CNNM2: variants seen among roughly 807,000 people sequenced by gnomAD.
CNNM2 encodes cyclin and CBS domain divalent metal cation transport mediator 2, also known as metal transporter CNNM2.
CNNM2 carries 12 observed loss-of-function variants against 66.9 expected under a neutral mutation model. That is an observed-to-expected ratio of 0.18 (90% confidence interval 0.11 to 0.29). CNNM2 has a LOEUF of 0.29. Among genes scored for constraint, CNNM2 ranks in the 10% least tolerant of loss-of-function variants. CNNM2 has a pLI of 1.00. For missense variants in CNNM2, 705 were observed against 1,167.7 expected (o/e 0.60, Z 5.77); for synonymous variants, 557 against 501.8 (o/e 1.11, Z -1.47).
chr10:102,929,349 A>G (rs2134164471), intron 1 of CNNM2, among the ~76,000 whole-genome samples: 1 of 152,250 alleles, frequency 6.6e-6, no homozygotes, highest in South Asian at 2.1e-4. Flanking sequence ...AAGCTGAGGC[A>G]GAAGGATTGC....
At chr10:103,037,730 G>A (rs1050591690) in intron 1 of CNNM2, among the ~76,000 whole-genome samples, 1 of 152,188 alleles carries the variant, frequency 6.6e-6, no homozygotes, top group Non-Finnish European at 1.5e-5. Context: ...TCAGAAAGTT[G>A]TATACGTTGA....
At chr10:102,952,874 G>T (rs1846892785) in intron 1 of CNNM2, among the ~76,000 whole-genome samples, 1 of 152,176 alleles carries the variant, frequency 6.6e-6, no homozygotes, top group Non-Finnish European at 1.5e-5. Flanking sequence ...ATGGTTCTGG[G>T]CTGGAAACAT....
At chr10:103,001,791 G>A (rs2064127147) in intron 1 of CNNM2, among the ~76,000 whole-genome samples, 1 of 151,994 alleles carries the variant, frequency 6.6e-6, no homozygotes, top group Non-Finnish European at 1.5e-5. Flanking sequence ...ATCATTTGAG[G>A]TCAGGAGTTC....
intron 1 of CNNM2, among the ~76,000 whole-genome samples, chr10:102,980,177 A>T (rs1392952619): frequency 6.6e-6 from 1 of 152,100 alleles, no homozygotes; most frequent in Non-Finnish European, 1.5e-5. Flanking sequence ...TCCTGACCTC[A>T]AGTGATCTGC....
At chr10:102,983,858 C>T (rs1019852677) in intron 1 of CNNM2, among the ~76,000 whole-genome samples, 2 of 151,972 alleles carry the variant, frequency 1.3e-5, no homozygotes, top group African/African-American at 4.8e-5. Context: ...CTCCACCTCC[C>T]AGGTTTGAGC....
intron 1 of CNNM2, among the ~76,000 whole-genome samples, chr10:102,992,539 G>A (rs556354684): frequency 8.7e-4 from 133 of 152,154 alleles, no homozygotes; most frequent in African/African-American, 3.1e-3. Flanking sequence ...CTCCCAAAGT[G>A]CTGGGATTAC....
At chr10:102,928,710 T>C (rs1427864049) in intron 1 of CNNM2, among the ~76,000 whole-genome samples, 1 of 151,618 alleles carries the variant, frequency 6.6e-6, no homozygotes, top group African/African-American at 2.4e-5. Context: ...AAATGGAAGG[T>C]GAAAAGGGCC....
intron 1 of CNNM2, among the ~76,000 whole-genome samples, chr10:102,936,837 G>A (rs918762692): frequency 1.3e-5 from 2 of 152,206 alleles, no homozygotes; most frequent in South Asian, 4.2e-4. Context: ...GTAATGTTTG[G>A]GGGAAACCAA....
intron 1 of CNNM2, among the ~76,000 whole-genome samples, chr10:102,932,445 C>T (rs1429783331): frequency 6.6e-6 from 1 of 152,106 alleles, no homozygotes; most frequent in Non-Finnish European, 1.5e-5. Context: ...ATGTTTTCTT[C>T]TAAGAGTTTT....
chr10:103,040,033 G>A (rs1338826202), intron 1 of CNNM2, among the ~76,000 whole-genome samples: 1 of 152,006 alleles, frequency 6.6e-6, no homozygotes, highest in Non-Finnish European at 1.5e-5. Context: ...CAGGCATGGT[G>A]GTGCATGCCT....
intron 1 of CNNM2, among the ~76,000 whole-genome samples, chr10:102,945,029 T>A (rs1484054534): frequency 6.6e-6 from 1 of 151,928 alleles, no homozygotes; most frequent in African/African-American, 2.4e-5. Flanking sequence ...CTTCTTCCCT[T>A]AATAATTAAC....
intron 1 of CNNM2, among the ~76,000 whole-genome samples, chr10:103,012,638 A>AG (rs2064365504): frequency 8.8e-6 from 1 of 114,160 alleles, no homozygotes; most frequent in African/African-American, 3.4e-5. Context: ...ACAGAGCAAG[A>AG]CTTTTTTTTT....
chr10:102,918,970 A>G lies in CNNM2; in HGVS notation c.490A>G (p.Ile164Val). The change falls in exon 1 of 8, where the codon ATT (isoleucine) becomes GTT (valine). Residue 164 changes from isoleucine to valine, a missense_variant. Transcript: ENST00000369878. The surrounding 1 kb of genome is among the most constrained non-coding windows in gnomAD (Gnocchi z 4.1). ...TSDIIILPHIILNRRTSGIIE... is the reference protein window; with the variant it reads ...TSDIIILPHIVLNRRTSGIIE... ...AGACATCATCATCTTGCCCCACATC[A>G]TTCTCAACCGCCGCACCTCGGGCAT... The G allele has an allele frequency of 6.2e-7, 1 of 1,612,490 alleles. No individual in the cohort carries two copies. Among genetic ancestry groups the G allele is most frequent in the East Asian group, 2.2e-5 (1 of 44,818 alleles).
intron 1 of CNNM2, among the ~76,000 whole-genome samples, chr10:103,016,645 C>A (rs528154263): frequency 1.5e-4 from 23 of 152,320 alleles, no homozygotes; most frequent in African/African-American, 4.8e-4. Context: ...TCTAAACTTT[C>A]TATGATGTAA....
chr10:102,920,586 C>T (rs1168535444), intron 1 of CNNM2, among the ~76,000 whole-genome samples: 2 of 152,118 alleles, frequency 1.3e-5, no homozygotes, highest in Non-Finnish European at 2.9e-5. Flanking sequence ...CCACACTGGC[C>T]TTTCAAAGAT....
chr10:102,954,822 G>C (rs1006316783), intron 1 of CNNM2, among the ~76,000 whole-genome samples: 3 of 152,112 alleles, frequency 2.0e-5, no homozygotes, highest in African/African-American at 7.2e-5. Context: ...GACCTTAAAA[G>C]GTGGTAAGAT....
At chr10:102,998,116 T>A (rs773267180) in intron 1 of CNNM2, among the ~76,000 whole-genome samples, 1 of 152,214 alleles carries the variant, frequency 6.6e-6, no homozygotes, top group Non-Finnish European at 1.5e-5. Flanking sequence ...ATTTATTTTC[T>A]GGCTTGTAAA....
Position 103,009,939 on chromosome 10 carries a change from CT to C in CNNM2, c.1622-39755del, listed in dbSNP as rs10572558. ...ACATGCAAATGGAGGAAATTTAAGA[CT>C]TTTTTTTTTTTTCACAATTAGAGAC... On this transcript the variant is annotated intron_variant, in intron 1 of 7. Transcript: ENST00000369878. Among the ~76,000 whole-genome samples, 1,136 of 147,000 alleles carry C rather than the reference CT, an allele frequency of 7.7e-3. 22 individuals are homozygous for C. Among genetic ancestry groups the C allele is most frequent in the East Asian group, 0.077 (387 of 5,038 alleles).
chr10:103,002,393 A>T (rs1312763892), intron 1 of CNNM2, among the ~76,000 whole-genome samples: 1 of 152,084 alleles, frequency 6.6e-6, no homozygotes. Context: ...AAACTACAAG[A>T]CAGCACTTTG....
Sources: gnomAD v4.1 joint callset for allele counts (sites outside exome capture counted in the v4.1 genomes callset) on GRCh38, gnomAD v4.1.1 for gene constraint, Gnocchi (gnomAD v3.1) non-coding constraint, MANE v1.5 for transcripts, NCBI Gene and HGNC (gene_info 2026-07-23, HGNC 2026-07-21) for gene names.